FANCI: variants seen among roughly 807,000 people sequenced by gnomAD.
FANCI encodes the protein Fanconi anemia group I protein.
Under a neutral mutation model 176.1 loss-of-function variants are expected in FANCI, and 156 were observed. The observed-to-expected ratio is 0.89, with a 90% CI of 0.78 to 1.01. The LOEUF (loss-of-function observed/expected upper bound fraction) is 1.01, where lower values mean the gene tolerates loss of function less well. Among genes scored for constraint, FANCI ranks in the 50% least tolerant of loss-of-function variants. The pLI is 0.00. For missense variants in FANCI, 1,678 were observed against 1,534.1 expected (o/e 1.09, Z -1.57); for synonymous variants, 613 against 541.7 (o/e 1.13, Z -1.83).
chr15:89,246,679 G>A (rs902103402), intron 1 of FANCI, among the ~76,000 whole-genome samples: 1 of 151,444 alleles, frequency 6.6e-6, no homozygotes, highest in Non-Finnish European at 1.5e-5. Flanking sequence ...GCTTTCCTCT[G>A]CTGCGAAACC....
Position 89,305,181 on chromosome 15 carries a change from C to T in FANCI, c.3125C>T (p.Pro1042Leu). 1.2e-6 allele frequency: 2 copies of T among 1,614,220 alleles called. No individual in the cohort carries two copies. Among genetic ancestry groups the T allele is most frequent in the Non-Finnish European group, 1.7e-6 (2 of 1,180,044 alleles). ...AGCCTGCATGTTTCGTATAAGAGTC[C>T]TGTCATTCTGCTGCGTGACTTGTCC... Reference protein sequence around the residue: ...LFSLHVSYKSPVILLRDLSQD... With the variant: ...LFSLHVSYKSLVILLRDLSQD... The change falls in exon 29 of 38, where the codon CCT (proline) becomes CTT (leucine). Residue 1042 changes from proline to leucine, a missense_variant. Coordinates refer to ENST00000310775, the MANE Select transcript of FANCI (RefSeq NM_001113378.2).
chr15:89,269,516 G>A (rs2053117214), intron 10 of FANCI, among the ~76,000 whole-genome samples: 1 of 151,904 alleles, frequency 6.6e-6, no homozygotes, highest in African/African-American at 2.4e-5. Flanking sequence ...CTTGTCTTGT[G>A]TAATGTCCCA....
intron 2 of FANCI, 29 bp downstream of exon 2, chr15:89,247,760 A>T (rs1486753087): frequency 1.3e-6 from 2 of 1,594,870 alleles, no homozygotes; most frequent in African/African-American, 2.7e-5. Context: ...GTTCTGCTAA[A>T]AGTAAATGTC....
intron 10 of FANCI, 63 bp from the exon 11 acceptor site, chr15:89,273,314 A>T: frequency 1.4e-5 from 12 of 866,392 alleles, no homozygotes; most frequent in Non-Finnish European, 1.5e-5. Flanking sequence ...TTTTTTTAAA[A>T]AAAAAAAAAA....
At chr15:89,255,317 G>A (rs1173953406) in intron 2 of FANCI, among the ~76,000 whole-genome samples, 3 of 152,150 alleles carry the variant, frequency 2.0e-5, no homozygotes, top group African/African-American at 7.2e-5. Context: ...AGCTCTTGAT[G>A]TCAGTGTTAT....
At chr15:89,289,115 G>A (rs568658253) in intron 18 of FANCI, among the ~76,000 whole-genome samples, 1 of 151,544 alleles carries the variant, frequency 6.6e-6, no homozygotes, top group Non-Finnish European at 1.5e-5. Context: ...CTAACCATTT[G>A]TTCAGACATC....
intron 28 of FANCI, 87 bp from the exon 29 acceptor site, chr15:89,305,028 G>A (rs1291287000): frequency 6.6e-7 from 1 of 1,514,184 alleles, no homozygotes; most frequent in Non-Finnish European, 9.1e-7. Context: ...CACCCGCCTT[G>A]GCCTCCCAAA....
Position 89,261,552 on chromosome 15 carries a change from G to A in FANCI, c.289-33G>A, listed in dbSNP as rs752199177. 1.2e-5 allele frequency: 19 copies of A among 1,613,168 alleles called. No homozygotes were observed. The African/African-American group carries it at 2.1e-4, about 18-fold the overall frequency. On this transcript the variant is annotated intron_variant, in intron 4 of 37. Transcript: ENST00000310775. ...AAGATTTATCAAACATTGGATTTCT[G>A]CTTGAGATTTCCTTTATCCTGTGAA... is the stretch of plus-strand genomic sequence containing the variant.
chr15:89,258,160 A>G (rs12898357), intron 2 of FANCI, among the ~76,000 whole-genome samples: 45,843 of 151,820 alleles, frequency 0.3, 8,380 homozygotes, highest in Non-Finnish European at 0.39. Context: ...TTCCATCTGG[A>G]ATATCCTTCT....
At chr15:89,307,448 A>G (rs1470372431) in intron 32 of FANCI, 28 bp from the exon 33 acceptor site, 2 of 1,605,780 alleles carry the variant, frequency 1.2e-6, no homozygotes, top group African/African-American at 1.3e-5. Context: ...AGGACAGTCT[A>G]CTAAATCTAG....
chr15:89,247,797 T>C, intron 2 of FANCI, 66 bp downstream of exon 2: 4 of 1,397,872 alleles, frequency 2.9e-6, no homozygotes, highest in African/African-American at 1.4e-5. Context: ...TCAAAGGACA[T>C]GTGAGAAAGA....
intron 2 of FANCI, among the ~76,000 whole-genome samples, chr15:89,254,424 G>A (rs890094898): frequency 3.9e-5 from 6 of 152,150 alleles, no homozygotes; most frequent in Admixed American, 1.3e-4. Flanking sequence ...GTGTCACAAA[G>A]ACAGAAGAGC....
chr15:89,297,814 G>T (rs2054365885), intron 24 of FANCI, among the ~76,000 whole-genome samples: 2 of 146,826 alleles, frequency 1.4e-5, no homozygotes, highest in Admixed American at 6.8e-5. Context: ...TTTTGTTTTT[G>T]TTTTTTTTTC....
intron 34 of FANCI, among the ~76,000 whole-genome samples, chr15:89,312,147 T>C (rs1274335590): frequency 1.3e-5 from 2 of 152,234 alleles, no homozygotes; most frequent in East Asian, 3.8e-4. Context: ...ATCTGGTGAT[T>C]GCCTGTAAGT....
intron 34 of FANCI, among the ~76,000 whole-genome samples, chr15:89,310,230 C>T (rs1171749217): frequency 6.6e-6 from 1 of 152,156 alleles, no homozygotes; most frequent in Non-Finnish European, 1.5e-5. Flanking sequence ...ATAAAAGCAG[C>T]CATAGATAAC....
Position 89,274,293 on chromosome 15 carries a change from A to T in FANCI, c.1101A>T (p.Val367=). The T allele has an allele frequency of 6.2e-7, 1 of 1,613,666 alleles. No homozygotes were observed. The highest frequency in any genetic ancestry group is 8.5e-7 in the Non-Finnish European group (1 of 1,179,836). The part of the protein sequence containing the change: ...RSYVSTMILE[V]VKNSVHSWDH... ...ATGTTTCAACCATGATCTTGGAAGT[A>T]GTGAAGAATAGGTAAGTTGGTGAAC... Residue 367 remains valine (V), a synonymous_variant, in exon 12 of 38, where the codon GTA becomes GTT. Transcript: ENST00000310775.
chr15:89,246,397 TGA>T, intron 1 of FANCI, among the ~76,000 whole-genome samples: 1 of 152,348 alleles, frequency 6.6e-6, no homozygotes, highest in African/African-American at 2.4e-5. Flanking sequence ...TGCAATCTTG[TGA>T]GATTGTCTTT....
At chr15:89,300,667 CTG>C (rs1251648251) in intron 26 of FANCI, among the ~76,000 whole-genome samples, 7 of 152,192 alleles carry the variant, frequency 4.6e-5, no homozygotes, top group Middle Eastern at 3.2e-3. Flanking sequence ...GGCATAGAGT[CTG>C]TGTTTTTGTT....
chr15:89,268,327 T>A, intron 9 of FANCI, 72 bp from the exon 10 acceptor site: 1 of 1,573,392 alleles, frequency 6.4e-7, no homozygotes. Context: ...CGCCTTGGCC[T>A]CCCAAAGTGC....
Sources: gnomAD v4.1 joint callset for allele counts (sites outside exome capture counted in the v4.1 genomes callset) on GRCh38, gnomAD v4.1.1 for gene constraint, MANE v1.5 for transcripts, NCBI Gene and HGNC (gene_info 2026-07-23, HGNC 2026-07-21) for gene names.